Variants in PIP4P2 observed in about 807,000 individuals in gnomAD.
PIP4P2 encodes type 2 phosphatidylinositol 4,5-bisphosphate 4-phosphatase.
In PIP4P2, 19 loss-of-function variants were observed where a neutral mutation model predicts 33.3. The observed-to-expected ratio is 0.57, with a 90% CI of 0.40 to 0.84. The LOEUF is 0.84. Among genes scored for constraint, PIP4P2 ranks in the 40% least tolerant of loss-of-function variants. The pLI, the probability that PIP4P2 is intolerant of heterozygous loss-of-function variation, is 0.00. For missense variants in PIP4P2, 270 were observed against 324.7 expected, an observed-to-expected ratio of 0.83 and a Z score of 1.29; for synonymous variants, 110 against 111.9, an observed-to-expected ratio of 0.98 and a Z score of 0.11.
At chr8:91,029,980 C>T (rs1425631692) in intron 1 of PIP4P2, among the ~76,000 whole-genome samples, 1 of 150,624 alleles carries the variant, frequency 6.6e-6, no homozygotes, top group African/African-American at 2.4e-5. Context: ...AAAACAAAAA[C>T]AAAAACAAAA....
chr8:91,009,328 T>G (rs1460223647), intron 4 of PIP4P2, among the ~76,000 whole-genome samples: 2 of 152,162 alleles, frequency 1.3e-5, no homozygotes, highest in East Asian at 3.9e-4. Context: ...ACAATTTTCT[T>G]CCCTGTAAAT....
At chr8:91,024,158 A>G (rs1387580930) in intron 1 of PIP4P2, 1 of 222,570 alleles carries the variant, frequency 4.5e-6, no homozygotes, top group Non-Finnish European at 9.4e-6. Flanking sequence ...CAGATGCTGC[A>G]GCCTAATTGC....
At chr8:91,004,874 A>G (rs1448131387) in intron 5 of PIP4P2, among the ~76,000 whole-genome samples, 1 of 152,170 alleles carries the variant, frequency 6.6e-6, no homozygotes, top group Non-Finnish European at 1.5e-5. Context: ...GGGGTTTAGG[A>G]GGAATAGTAG....
intron 5 of PIP4P2, 23 bp from the exon 6 acceptor site, chr8:90,996,767 G>C (rs1418669528): frequency 5.1e-6 from 8 of 1,566,116 alleles, no homozygotes; most frequent in Middle Eastern, 1.7e-4. Context: ...GAAAGCAAAA[G>C]AGAACATTAA....
chr8:91,008,752 C>T lies in PIP4P2; in HGVS notation c.530G>A (p.Cys177Tyr). 1 of 1,608,544 alleles carries T rather than the reference C, an allele frequency of 6.2e-7. No individual in the cohort carries two copies. Among genetic ancestry groups the T allele is most frequent in the Non-Finnish European group, 8.5e-7 (1 of 1,176,292 alleles). Reference sequence around the variant, plus strand: ...ATGGTAGGGAACTTACATTTTTTTGCAGTGTGGGCATTTTGCCAGAGTGTT... The same window carrying T: ...ATGGTAGGGAACTTACATTTTTTTGTAGTGTGGGCATTTTGCCAGAGTGTT... ...RFNTLAKCPH[C>Y]KKISSVGSAL... The change falls in exon 5 of 7, where the codon TGC (cysteine) becomes TAC (tyrosine). Residue 177 changes from cysteine to tyrosine, a missense_variant. Physicochemically the swap from Cys to Tyr is radical, Grantham distance 194. Coordinates refer to ENST00000285419, the MANE Select transcript of PIP4P2 (RefSeq NM_018710.3).
intron 1 of PIP4P2, among the ~76,000 whole-genome samples, chr8:91,025,754 T>C (rs1028602206): frequency 6.6e-6 from 1 of 152,158 alleles, no homozygotes; most frequent in Non-Finnish European, 1.5e-5. Flanking sequence ...GGCTTTTTTC[T>C]CCTCTAATTT....
At chr8:91,000,723 C>T (rs986437012) in intron 5 of PIP4P2, among the ~76,000 whole-genome samples, 1 of 151,916 alleles carries the variant, frequency 6.6e-6, no homozygotes, top group South Asian at 2.1e-4. Context: ...CACTGTAACA[C>T]ATTTACTTAT....
rs2130344121 is a variant in PIP4P2 at position 90,994,975 on chromosome 8, G to A, written c.*702C>T. On this transcript the variant is annotated 3_prime_UTR_variant, in exon 7 of 7. Coordinates refer to ENST00000285419, the MANE Select transcript of PIP4P2 (RefSeq NM_018710.3). ...GGTAAATAAAAAGGCAAAAATGAAA[G>A]ACAAAAGTCCTGTGATCTTTGAGAA... 6.6e-6 allele frequency: 1 copy of A among 152,120 alleles called. No individual in the cohort carries two copies. Among genetic ancestry groups the A allele is most frequent in the South Asian group, 2.1e-4 (1 of 4,830 alleles). The allele number at this position is 152,120 out of a possible 1,614,324, so 9.4% of individuals were successfully genotyped here.
intron 4 of PIP4P2, among the ~76,000 whole-genome samples, chr8:91,015,958 A>C (rs1215505846): frequency 1.3e-5 from 2 of 152,234 alleles, no homozygotes; most frequent in Non-Finnish European, 2.9e-5. Flanking sequence ...ATGCCAGGGC[A>C]AATATTTAGG....
At chr8:91,023,910 C>T (rs1812045474) in intron 1 of PIP4P2, among the ~76,000 whole-genome samples, 1 of 151,886 alleles carries the variant, frequency 6.6e-6, no homozygotes, top group Non-Finnish European at 1.5e-5. Flanking sequence ...GTTTTTGCTA[C>T]GACTTTCAAA....
chr8:91,040,353 G>T (rs1308879063), intron 1 of PIP4P2, among the ~76,000 whole-genome samples: 2 of 151,934 alleles, frequency 1.3e-5, no homozygotes, highest in Non-Finnish European at 2.9e-5. Flanking sequence ...GTCACATACT[G>T]TAGCCCTGGG....
Position 90,996,741 on chromosome 8 carries a change from G to A in PIP4P2, c.543C>T (p.Ser181=). ...TTCGTGGAAGTGCACTACCCACTGA[G>A]GAGCTGCAAATTCATGAAAGCAAAA... The part of the protein sequence containing the change: ...LAKCPHCKKI[S]SVGSALPRRR... The change falls in exon 6 of 7, where the codon TCC becomes TCT. Residue 181 remains serine (S), a synonymous_variant. Transcript: ENST00000285419. 6.2e-7 allele frequency: 1 copy of A among 1,600,346 alleles called. No homozygotes were observed. Among genetic ancestry groups the A allele is most frequent in the Non-Finnish European group, 8.5e-7 (1 of 1,173,610 alleles).
chr8:91,001,510 T>G (rs536575350), intron 5 of PIP4P2, among the ~76,000 whole-genome samples: 1 of 152,216 alleles, frequency 6.6e-6, no homozygotes, highest in East Asian at 1.9e-4. Flanking sequence ...GCTAAGTTTT[T>G]TTTTTTACTC....
intron 6 of PIP4P2, 80 bp from the exon 7 acceptor site, chr8:90,995,900 T>G: frequency 1.4e-6 from 2 of 1,435,446 alleles, no homozygotes; most frequent in Non-Finnish European, 1.8e-6. Context: ...TCAGCTTACA[T>G]GTGATTGTTA....
intron 1 of PIP4P2, among the ~76,000 whole-genome samples, chr8:91,025,990 T>A (rs1280454310): frequency 6.6e-6 from 1 of 152,144 alleles, no homozygotes; most frequent in East Asian, 1.9e-4. Context: ...TTGGAAAAAT[T>A]CATCTGGCTG....
chr8:90,996,589 G>C, intron 6 of PIP4P2, 65 bp downstream of exon 6: 1 of 1,361,624 alleles, frequency 7.3e-7, no homozygotes, highest in South Asian at 1.3e-5. Context: ...GTTGTCCCAG[G>C]CCTCATGATT....
intron 4 of PIP4P2, among the ~76,000 whole-genome samples, chr8:91,010,126 T>C (rs916785050): frequency 1.3e-5 from 2 of 151,896 alleles, no homozygotes; most frequent in Admixed American, 1.3e-4. Context: ...TGAGTTAATG[T>C]GCTAAACAGA....
intron 1 of PIP4P2, among the ~76,000 whole-genome samples, chr8:91,025,195 G>A (rs2130373944): frequency 6.8e-6 from 1 of 148,096 alleles, no homozygotes. Flanking sequence ...CGGGGTGGGG[G>A]GGAATTAGAA....
At chr8:91,029,220 G>A (rs1370381781) in intron 1 of PIP4P2, among the ~76,000 whole-genome samples, 1 of 152,086 alleles carries the variant, frequency 6.6e-6, no homozygotes, top group Non-Finnish European at 1.5e-5. Context: ...GAACCCCGGA[G>A]GCGGAAGTTG....
Sources: gnomAD v4.1 joint callset for allele counts (sites outside exome capture counted in the v4.1 genomes callset) on GRCh38, gnomAD v4.1.1 for gene constraint, MANE v1.5 for transcripts, NCBI Gene and HGNC (gene_info 2026-07-23, HGNC 2026-07-21) for gene names.